SNX31: variants seen among roughly 807,000 people sequenced by gnomAD.
SNX31 encodes the protein sorting nexin-31.
Under a neutral mutation model 65.4 loss-of-function variants are expected in SNX31, and 58 were observed. The observed-to-expected ratio is 0.89, with a 90% CI of 0.72 to 1.10. The LOEUF (loss-of-function observed/expected upper bound fraction) is 1.10. Among genes scored for constraint, SNX31 ranks in the 50% least tolerant of loss-of-function variants. The pLI, the probability that SNX31 is intolerant of heterozygous loss-of-function variation, is 0.00. For synonymous variants in SNX31, 181 were observed against 190.1 expected (o/e 0.95, Z 0.39); for missense variants, 523 against 529.7 (o/e 0.99, Z 0.12).
upstream of SNX31, among the ~76,000 whole-genome samples, chr8:100,653,608 C>A (rs1045478415): frequency 6.6e-6 from 1 of 152,228 alleles, no homozygotes; most frequent in African/African-American, 2.4e-5. Flanking sequence ...CTAGAGCTTT[C>A]AGAGAGAGCA....
At chr8:100,619,601 G>T (rs544028444) in intron 4 of SNX31, among the ~76,000 whole-genome samples, 1 of 152,344 alleles carries the variant, frequency 6.6e-6, no homozygotes, top group South Asian at 2.1e-4. Flanking sequence ...ATCCAGAGAG[G>T]CCAGCGGCTG....
intron 3 of SNX31, among the ~76,000 whole-genome samples, chr8:100,632,704 C>G (rs969342800): frequency 2.0e-4 from 31 of 151,836 alleles, no homozygotes; most frequent in African/African-American, 7.5e-4. Flanking sequence ...CTCAGGAGGT[C>G]GAGACTGCAG....
intron 10 of SNX31, among the ~76,000 whole-genome samples, chr8:100,590,654 T>G (rs1586872270): frequency 6.6e-6 from 1 of 152,006 alleles, no homozygotes. Context: ...TGGTGGCTGG[T>G]GCCTGTAATC....
At chr8:100,662,782 A>G (rs17353428) in intron 1 of SNX31, among the ~76,000 whole-genome samples, 26,192 of 152,240 alleles carry the variant, frequency 0.17, 2,495 homozygotes, top group Non-Finnish European at 0.21. Context: ...TACAATATCA[A>G]TTTCAGCTGT....
intron 12 of SNX31, 118 bp downstream of exon 12, chr8:100,583,993 T>C: frequency 1.3e-6 from 1 of 791,246 alleles, no homozygotes. Context: ...TGGTTTGGAG[T>C]CCTCCCTTTA....
At chr8:100,642,619 G>GT in intron 2 of SNX31, among the ~76,000 whole-genome samples, 1 of 152,156 alleles carries the variant, frequency 6.6e-6, no homozygotes, top group East Asian at 1.9e-4. Context: ...AGGAAACTGA[G>GT]TAGTTAAATG....
intron 4 of SNX31, chr8:100,618,299 C>T: frequency 6.5e-7 from 1 of 1,527,916 alleles, no homozygotes. Flanking sequence ...TTGATAAAGT[C>T]TGCATCCTTA....
chr8:100,662,207 T>A (rs761680713), intron 1 of SNX31, among the ~76,000 whole-genome samples: 1 of 152,158 alleles, frequency 6.6e-6, no homozygotes, highest in Non-Finnish European at 1.5e-5. Context: ...AAAAACTCCA[T>A]GATTGAGAAA....
intron 11 of SNX31, 81 bp from the exon 12 acceptor site, chr8:100,584,269 ATTTT>A: frequency 2.7e-6 from 3 of 1,093,592 alleles, no homozygotes; most frequent in Non-Finnish European, 3.9e-6. Context: ...CACAAAGCGG[ATTTT>A]GACTCTGCCC....
intron 10 of SNX31, among the ~76,000 whole-genome samples, chr8:100,592,110 C>A (rs1487429155): frequency 1.3e-5 from 2 of 151,892 alleles, no homozygotes; most frequent in African/African-American, 4.8e-5. Flanking sequence ...AGAATTAGAT[C>A]CAGAAATGAC....
chr8:100,599,094 A>C (rs1815373554), intron 9 of SNX31, among the ~76,000 whole-genome samples: 1 of 152,240 alleles, frequency 6.6e-6, no homozygotes, highest in African/African-American at 2.4e-5. Context: ...GTACATGTAG[A>C]TGCTTTGAGA....
intron 4 of SNX31, among the ~76,000 whole-genome samples, chr8:100,624,676 A>C (rs1817927447): frequency 6.6e-6 from 1 of 152,260 alleles, no homozygotes; most frequent in Admixed American, 6.5e-5. Context: ...ATTTTACTAG[A>C]ATGTTTTAAT....
chr8:100,602,754 T>C (rs1410452145), intron 8 of SNX31, among the ~76,000 whole-genome samples: 2 of 152,292 alleles, frequency 1.3e-5, no homozygotes, highest in African/African-American at 2.4e-5. Context: ...ACGAAGAAAC[T>C]GGACAAAGAG....
chr8:100,615,697 T>C (rs1188100819), intron 5 of SNX31, among the ~76,000 whole-genome samples: 1 of 152,240 alleles, frequency 6.6e-6, no homozygotes, highest in Non-Finnish European at 1.5e-5. Flanking sequence ...AGTAGGCATG[T>C]TACTGTACTA....
chr8:100,599,556 A>C (rs1295129396), intron 9 of SNX31, among the ~76,000 whole-genome samples: 1 of 151,484 alleles, frequency 6.6e-6, no homozygotes, highest in Non-Finnish European at 1.5e-5. Flanking sequence ...TTTGCAGTTC[A>C]TCAGTAAAAA....
At chr8:100,645,929 A>T (rs1477745256) in intron 2 of SNX31, among the ~76,000 whole-genome samples, 2 of 152,140 alleles carry the variant, frequency 1.3e-5, no homozygotes, top group African/African-American at 2.4e-5. Context: ...TTTACCTATA[A>T]AATGAGAATG....
At position 100,630,182 on chromosome 8, in the gene SNX31, A is replaced by G; in HGVS notation, c.321+145T>C. The G allele has an allele frequency of 3.0e-6, 2 of 668,764 alleles. No individual in the cohort carries two copies. The highest frequency in any genetic ancestry group is 5.0e-6 in the Non-Finnish European group (2 of 403,018). The allele number at this position is 668,764 out of a possible 1,614,324, so 41.4% of individuals were successfully genotyped here. On this transcript the variant is annotated intron_variant, in intron 4 of 13. Coordinates refer to ENST00000311812, the MANE Select transcript of SNX31 (RefSeq NM_152628.4). The surrounding 1 kb of genome is among the most constrained non-coding windows in gnomAD (Gnocchi z 5.3). ...AGAACAAAATAGGAACCATCCCCCA[A>G]TTGACTTGAAATGAATATATTTTGT...
intron 2 of SNX31, among the ~76,000 whole-genome samples, chr8:100,644,831 A>AT (rs147797136): frequency 0.13 from 20,178 of 152,180 alleles, 1,842 homozygotes; most frequent in African/African-American, 0.26. Context: ...CACCTGGCTA[A>AT]TTTTTTGTAT....
chr8:100,584,829 A>G (rs530041389), intron 11 of SNX31, among the ~76,000 whole-genome samples: 60 of 147,084 alleles, frequency 4.1e-4, no homozygotes, highest in African/African-American at 1.4e-3. Flanking sequence ...GGCTCACTGC[A>G]ACCCCCGCCT....
Sources: allele counts gnomAD v4.1 joint callset (sites outside exome capture counted in the v4.1 genomes callset), GRCh38; gene constraint gnomAD v4.1.1; non-coding constraint Gnocchi (gnomAD v3.1); transcripts MANE v1.5; gene names NCBI Gene and HGNC (gene_info 2026-07-23, HGNC 2026-07-21).